The following TAB3 variants were observed in gnomAD, a reference collection of about 807,000 sequenced individuals.
The protein encoded by TAB3 is TGF-beta activated kinase 1 (MAP3K7) binding protein 3.
A neutral mutation model predicts 48.1 loss-of-function variants in TAB3; 18 were observed. That is an observed-to-expected ratio of 0.37 (90% CI 0.26 to 0.55). The LOEUF is 0.55. Ranked by LOEUF, TAB3 falls within the 20% of genes least tolerant of loss-of-function variation. The pLI is 0.78. For synonymous variants in TAB3, 185 were observed against 190.2 expected, an observed-to-expected ratio of 0.97 and a Z score of 0.22; for missense variants, 414 against 549.8, an observed-to-expected ratio of 0.75 and a Z score of 2.47.
chrX:30,848,562 A>AAGAT (rs773595753), intron 7 of TAB3, among the ~76,000 whole-genome samples: 9 of 111,151 alleles, frequency 8.1e-5, no homozygotes, highest in African/African-American at 2.9e-4. Context: ...CTCATTTCCA[A>AAGAT]AGATAGTAGA....
rs1448309950 is a variant in TAB3 at position 30,829,372 on chromosome X, A to AGT, written c.*2053_*2054dup. On this transcript the variant is annotated 3_prime_UTR_variant, in exon 11 of 11. Coordinates refer to ENST00000288422, the MANE Select transcript of TAB3 (RefSeq NM_152787.5). The stretch of plus-strand genomic sequence containing the variant: ...AAACCTTTTAGCTAGGACACCAAGC[A>AGT]GTATATATATATATATTTCCCCTAA... The AGT allele has an allele frequency of 8.9e-6, 1 of 112,050 alleles. No homozygotes were observed. Among genetic ancestry groups the AGT allele is most frequent in the East Asian group, 2.8e-4 (1 of 3,593 alleles). The allele number at this position is 112,050 out of a possible 1,213,427, so 9.2% of individuals were successfully genotyped here. A position where few individuals can be genotyped will look rare whatever the true frequency, so the allele number is the denominator to read the frequency against.
intron 1 of TAB3, among the ~76,000 whole-genome samples, chrX:30,876,841 C>G (rs1211973450): frequency 1.8e-5 from 2 of 111,259 alleles, no homozygotes; most frequent in Non-Finnish European, 3.8e-5. Flanking sequence ...AGACAGTGAA[C>G]CAAAAGATAG....
chrX:30,834,157 A>G lies in TAB3; in HGVS notation c.1889-5T>C. 2 of 1,203,186 alleles carry G rather than the reference A, an allele frequency of 1.7e-6. No homozygotes were observed. Among genetic ancestry groups the G allele is most frequent in the South Asian group, 1.8e-5 (1 of 56,294 alleles). On this transcript the variant is annotated splice_polypyrimidine_tract_variant and splice_region_variant and intron_variant, in intron 9 of 10. Transcript: ENST00000288422. The stretch of plus-strand genomic sequence containing the variant: ...TTGTGCAGGGGTCTGAGGAGTCTGC[A>G]TAAAAATAAACAACGCCAGAAAGAA...
At chrX:30,886,279 C>G (rs903172587) in intron 1 of TAB3, among the ~76,000 whole-genome samples, 1 of 110,698 alleles carries the variant, frequency 9.0e-6, no homozygotes, top group Admixed American at 9.6e-5. Flanking sequence ...CAATATAAAT[C>G]ATTTCAGAAA....
chrX:30,850,605 G>A (rs1382034352), intron 7 of TAB3, among the ~76,000 whole-genome samples: 3 of 108,542 alleles, frequency 2.8e-5, no homozygotes, highest in Admixed American at 9.8e-5. Context: ...GCAGCTACTC[G>A]GGAGGCTGAG....
In TAB3 at chrX:30,837,864, A is replaced by T. The variant is rs184459237; in HGVS notation, c.1889-3712T>A. Reference sequence around the variant, plus strand: ...TGTGTATGATGTGAGGTAGGTAGAGATCAGACTGTGTGTTTCTTCCACATG... The same window carrying T: ...TGTGTATGATGTGAGGTAGGTAGAGTTCAGACTGTGTGTTTCTTCCACATG... On this transcript the variant is annotated intron_variant, in intron 9 of 10. Coordinates refer to ENST00000288422, the MANE Select transcript of TAB3 (RefSeq NM_152787.5). Among the ~76,000 whole-genome samples the T allele has an allele frequency of 6.1e-4, 69 of 112,415 alleles. 1 individual carries two copies. The highest frequency in any genetic ancestry group is 2.1e-3 in the African/African-American group (65 of 30,930).
intron 9 of TAB3, among the ~76,000 whole-genome samples, chrX:30,839,082 G>A (rs1276881876): frequency 9.0e-6 from 1 of 110,958 alleles, no homozygotes; most frequent in East Asian, 2.8e-4. Context: ...TGTTCCCAAT[G>A]TTGGTAAGTT....
chrX:30,834,419 C>G (rs1199937693), intron 9 of TAB3, among the ~76,000 whole-genome samples: 1 of 111,937 alleles, frequency 8.9e-6, no homozygotes, highest in Non-Finnish European at 1.9e-5. Flanking sequence ...TCACTGTTTT[C>G]TACTTTTTAA....
At chrX:30,860,111 G>C (rs1048665072) in intron 4 of TAB3, among the ~76,000 whole-genome samples, 1 of 111,500 alleles carries the variant, frequency 9.0e-6, no homozygotes, top group Non-Finnish European at 1.9e-5. Flanking sequence ...ACAGTAATGA[G>C]TTATAAACCT....
rs777340978 is a variant in TAB3 at position 30,852,854 on chromosome X, G to C, written c.1634C>G (p.Ser545Cys). The C allele has an allele frequency of 2.7e-4, 326 of 1,209,460 alleles. 1 individual carries two copies. In the South Asian group the frequency reaches 4.6e-3, roughly 17 times the overall value. ...GTCATGCTCCATACCATTAACTTCA[G>C]ACTTCAACCGCTCTAGCTCCTCTTT... ...LEKEELERLKSEVNGMEHDLM... is the reference protein window; with the variant it reads ...LEKEELERLKCEVNGMEHDLM... The change falls in exon 7 of 11, where the codon TCT becomes TGT. Residue 545 changes from serine (S) to cysteine (C), a missense_variant. By Grantham distance (112) the Ser-to-Cys change is moderately radical (BLOSUM62 -1). Coordinates refer to ENST00000288422, the MANE Select transcript of TAB3 (RefSeq NM_152787.5).
chrX:30,871,172 C>T (rs1939653003), intron 2 of TAB3, among the ~76,000 whole-genome samples: 1 of 112,335 alleles, frequency 8.9e-6, no homozygotes, highest in African/African-American at 3.2e-5. Context: ...ATTATGGTTA[C>T]AATACCACTA....
At position 30,868,354 on chromosome X, in the gene TAB3, TA is replaced by T. The variant is rs1939497152; in HGVS notation, c.-279-806del. The stretch of plus-strand genomic sequence containing the variant: ...TATATAAGCTTTTATATATATAGCT[TA>T]TATATATATATATAGCTTATATATA... On this transcript the variant is annotated intron_variant, in intron 2 of 10. Coordinates refer to ENST00000288422, the MANE Select transcript of TAB3 (RefSeq NM_152787.5). Among the ~76,000 whole-genome samples the T allele has an allele frequency of 2.8e-4, 2 of 7,159 alleles. 1 individual carries two copies. The highest frequency in any genetic ancestry group is 3.6e-3 in the African/African-American group (2 of 551). The allele number at this position is 7,159 out of a possible 115,157, so 6.2% of individuals were successfully genotyped here. A position where few individuals can be genotyped will look rare whatever the true frequency, so the allele number is the denominator to read the frequency against.
At chrX:30,841,057 T>C (rs763721446) in intron 9 of TAB3, among the ~76,000 whole-genome samples, 4 of 112,689 alleles carry the variant, frequency 3.5e-5, no homozygotes, top group African/African-American at 1.3e-4. Flanking sequence ...AAACTGCATA[T>C]GATGCTGCCA....
chrX:30,866,428 T>C (rs1450188582), intron 4 of TAB3, among the ~76,000 whole-genome samples: 3 of 110,133 alleles, frequency 2.7e-5, no homozygotes, highest in African/African-American at 9.9e-5. Context: ...CAAGGCCCTG[T>C]GGAGAAATGG....
At chrX:30,872,802 G>A (rs968966706) in intron 1 of TAB3, among the ~76,000 whole-genome samples, 1 of 112,040 alleles carries the variant, frequency 8.9e-6, no homozygotes, top group African/African-American at 3.2e-5. Context: ...TGAACCCTCT[G>A]ATGAATCTTC....
intron 8 of TAB3, chrX:30,846,263 C>G: frequency 6.6e-6 from 2 of 303,099 alleles, no homozygotes; most frequent in Non-Finnish European, 1.1e-5. Context: ...AGAATTAAAA[C>G]CCATCAATTT....
At chrX:30,840,715 G>C (rs1480394793) in intron 9 of TAB3, among the ~76,000 whole-genome samples, 2 of 111,238 alleles carry the variant, frequency 1.8e-5, no homozygotes, top group Non-Finnish European at 3.8e-5. Context: ...TGTGAGGCCC[G>C]CCCAGTCTTG....
At chrX:30,873,685 TATG>T (rs1939737400) in intron 1 of TAB3, among the ~76,000 whole-genome samples, 1 of 112,099 alleles carries the variant, frequency 8.9e-6, no homozygotes, top group South Asian at 3.7e-4. Flanking sequence ...TGAAGACCTT[TATG>T]ATGATCTACT....
chrX:30,854,151 G>T lies in TAB3; in HGVS notation c.1514C>A (p.Ser505Tyr), dbSNP rs1424601731. Residue 505 changes from serine to tyrosine, a missense_variant, in exon 6 of 11, where the codon TCT (serine) becomes TAT (tyrosine). By Grantham distance (144) the Ser-to-Tyr change is moderately radical (BLOSUM62 -2). Transcript: ENST00000288422. ...EKGSHKYQRS[S>Y]SSGSDDYAYT... ...GGCATAGTCATCTGATCCAGAACTA[G>T]AACTTCTCTGATATTTATGGCTTCC... 1.7e-6 allele frequency: 2 copies of T among 1,206,087 alleles called. No individual in the cohort carries two copies. Among genetic ancestry groups the T allele is most frequent in the South Asian group, 3.6e-5 (2 of 55,835 alleles).
Sources: allele counts gnomAD v4.1 joint callset (sites outside exome capture counted in the v4.1 genomes callset), GRCh38; gene constraint gnomAD v4.1.1; transcripts MANE v1.5; gene names NCBI Gene and HGNC (gene_info 2026-07-23, HGNC 2026-07-21).